Variants in TENM4 observed in about 807,000 individuals in gnomAD.
TENM4 encodes teneurin transmembrane protein 4.
Under a neutral mutation model 243.3 loss-of-function variants are expected in TENM4, and 82 were observed. The ratio of observed to expected loss-of-function variants is 0.34; its 90% CI spans 0.28 to 0.40. The LOEUF is 0.40. TENM4 is among the 10% of genes least tolerant of loss of function. The pLI, the probability that TENM4 is intolerant of heterozygous loss-of-function variation, is 1.00. For missense variants in TENM4, 3,138 were observed against 3,673.3 expected, an observed-to-expected ratio of 0.85 and a Z score of 3.77; for synonymous variants, 1,412 against 1,456.3, an observed-to-expected ratio of 0.97 and a Z score of 0.69.
chr11:78,983,741 G>T (rs973634457), intron 6 of TENM4, among the ~76,000 whole-genome samples: 26 of 151,630 alleles, frequency 1.7e-4, no homozygotes, highest in Admixed American at 1.5e-3. Context: ...CTCCTCTAGA[G>T]GCCTTTGAGG....
chr11:79,420,142 C>G (rs761547853), intron 1 of TENM4, among the ~76,000 whole-genome samples: 92 of 152,304 alleles, frequency 6.0e-4, no homozygotes, highest in Middle Eastern at 3.4e-3. Flanking sequence ...AAATCCTTCC[C>G]AATCTATGGT....
At chr11:78,690,938 A>C (rs148510728) in intron 28 of TENM4, among the ~76,000 whole-genome samples, 300 of 152,326 alleles carry the variant, frequency 2.0e-3, no homozygotes, top group African/African-American at 6.3e-3. Flanking sequence ...CACATGAAAA[A>C]GATTTTATTA....
intron 18 of TENM4, among the ~76,000 whole-genome samples, chr11:78,765,114 C>G (rs1030297501): frequency 6.6e-6 from 1 of 152,204 alleles, no homozygotes; most frequent in Non-Finnish European, 1.5e-5. Flanking sequence ...ATATCTCGCT[C>G]TTGTCTGCAG....
intron 1 of TENM4, among the ~76,000 whole-genome samples, chr11:79,364,131 G>A (rs1454593639): frequency 1.3e-5 from 2 of 152,186 alleles, no homozygotes; most frequent in African/African-American, 2.4e-5. Flanking sequence ...ACATCATTGA[G>A]GAGATACTGT....
At chr11:78,713,637 G>T (rs920929465) in intron 25 of TENM4, among the ~76,000 whole-genome samples, 11 of 152,172 alleles carry the variant, frequency 7.2e-5, no homozygotes, top group Non-Finnish European at 1.5e-4. Flanking sequence ...CAAAATAGGG[G>T]TGTTAACAGC....
At chr11:79,269,296 G>A (rs575886583) in intron 2 of TENM4, among the ~76,000 whole-genome samples, 19 of 152,204 alleles carry the variant, frequency 1.2e-4, no homozygotes, top group African/African-American at 2.9e-4. Flanking sequence ...CACCATTTTC[G>A]TTTTATTCTG....
At chr11:78,890,059 CCA>C (rs1855629142) in intron 8 of TENM4, 39 bp from the exon 9 acceptor site, 1 of 1,484,116 alleles carries the variant, frequency 6.7e-7, no homozygotes, top group Admixed American at 2.2e-5. Context: ...CAGGGGCTGC[CCA>C]CAGACCAGGC....
intron 19 of TENM4, chr11:78,749,479 T>C (rs893976754): frequency 4.6e-5 from 7 of 152,162 alleles, no homozygotes; most frequent in African/African-American, 1.7e-4. Flanking sequence ...GGTGTTTATT[T>C]GAAGTCCATT....
chr11:79,294,477 C>G (rs1856412125), intron 2 of TENM4, among the ~76,000 whole-genome samples: 1 of 152,284 alleles, frequency 6.6e-6, no homozygotes, highest in East Asian at 1.9e-4. Flanking sequence ...CTTGAATAAG[C>G]AGGCTTGTGC....
At chr11:79,034,626 G>C (rs1429366217) in intron 6 of TENM4, among the ~76,000 whole-genome samples, 2 of 151,938 alleles carry the variant, frequency 1.3e-5, no homozygotes, top group African/African-American at 4.8e-5. Flanking sequence ...GGCCTAAAAA[G>C]CATCTCAAAA....
rs561140188 is a variant in TENM4 at position 79,300,674 on chromosome 11, C to A, written c.-320-3131G>T. On this transcript the variant is annotated intron_variant, in intron 1 of 33. Transcript: ENST00000278550. ...GTAAATGGTACCTAATTATTTTAAT[C>A]TGCCTCTCTTGAATATCAGTTAAAC... Among the ~76,000 whole-genome samples, 37 of 152,312 alleles carry A rather than the reference C, an allele frequency of 2.4e-4. No homozygotes were observed. The South Asian group carries it at 6.8e-3, about 28-fold the overall frequency.
chr11:79,091,792 T>G (rs1416456467), intron 4 of TENM4, among the ~76,000 whole-genome samples: 2 of 152,188 alleles, frequency 1.3e-5, no homozygotes, highest in Non-Finnish European at 2.9e-5. Context: ...CCACCCTCTT[T>G]TTTCAAATAT....
chr11:78,852,712 T>A (rs1443407263), intron 12 of TENM4, among the ~76,000 whole-genome samples: 1 of 152,116 alleles, frequency 6.6e-6, no homozygotes, highest in Non-Finnish European at 1.5e-5. Context: ...CAGGGTCTTG[T>A]AAGAGTTTTG....
intron 1 of TENM4, among the ~76,000 whole-genome samples, chr11:79,305,650 G>A (rs1856614327): frequency 6.6e-6 from 1 of 152,214 alleles, no homozygotes; most frequent in Non-Finnish European, 1.5e-5. Flanking sequence ...ACTACAAAGG[G>A]CTCAGGGGCC....
chr11:79,137,235 C>T (rs1862127078), intron 4 of TENM4, among the ~76,000 whole-genome samples: 1 of 152,154 alleles, frequency 6.6e-6, no homozygotes, highest in African/African-American at 2.4e-5. Flanking sequence ...CTCCTTCCAC[C>T]TTTAAGTCAA....
chr11:79,331,337 C>T lies in TENM4; in HGVS notation c.-320-33794G>A, dbSNP rs75154357. Among the ~76,000 whole-genome samples the T allele has an allele frequency of 4.6e-5, 7 of 152,274 alleles. No homozygotes were observed. The East Asian group carries it at 7.7e-4, about 17-fold the overall frequency. On this transcript the variant is annotated intron_variant, in intron 1 of 33. Coordinates refer to ENST00000278550, the MANE Select transcript of TENM4 (RefSeq NM_001098816.3). ...GTCTTGAGTTTAGACTCCACTCCCA[C>T]TGCTCACAGCTGTGTGATCCTCAGC...
At position 78,929,759 on chromosome 11, in the gene TENM4, T is replaced by G. The variant is rs550849965; in HGVS notation, c.494-26236A>C. Among the ~76,000 whole-genome samples, 33 of 152,330 alleles carry G rather than the reference T, an allele frequency of 2.2e-4. No homozygotes were observed. The Middle Eastern group carries it at 0.014, about 63-fold the overall frequency. On this transcript the variant is annotated intron_variant, in intron 6 of 33. Transcript: ENST00000278550. ...TTCTCTTCAAGGATTTATTCTCTTG[T>G]GTCAAAAGTTCACCACCTCCAGACT...
chr11:79,296,279 A>G (rs903390037), intron 2 of TENM4, among the ~76,000 whole-genome samples: 2 of 152,186 alleles, frequency 1.3e-5, no homozygotes, highest in Non-Finnish European at 2.9e-5. Context: ...AAGCTTTGGT[A>G]AAAAAGCAGC....
At position 79,037,015 on chromosome 11, in the gene TENM4, CAAAAAAAAAAAAAAAAAAAAAA is replaced by C. The variant is rs369421583; in HGVS notation, c.493+27701_493+27722del. On this transcript the variant is annotated intron_variant, in intron 6 of 33. Coordinates refer to ENST00000278550, the MANE Select transcript of TENM4 (RefSeq NM_001098816.3). Reference sequence around the variant, plus strand: ...TGGGCAACAGAACAAGACTCCATCTCAAAAAAAAAAAAAAAAAAAAAAAAAAAAAAGAAAAAAAAGAAAATAC... The same window carrying C: ...TGGGCAACAGAACAAGACTCCATCTCAAAAAAAAGAAAAAAAAGAAAATAC... Among the ~76,000 whole-genome samples, 884 of 91,266 alleles carry C rather than the reference CAAAAAAAAAAAAAAAAAAAAAA, an allele frequency of 9.7e-3. 29 individuals carry two copies. The East Asian group carries it at 0.14, about 14-fold the overall frequency. The allele number at this position is 91,266 out of a possible 152,430, so 59.9% of individuals were successfully genotyped here.
Sources: gnomAD v4.1 joint callset for allele counts (sites outside exome capture counted in the v4.1 genomes callset) on GRCh38, gnomAD v4.1.1 for gene constraint, MANE v1.5 for transcripts, NCBI Gene and HGNC (gene_info 2026-07-23, HGNC 2026-07-21) for gene names.